CACNA1E: variants seen among roughly 807,000 people sequenced by gnomAD.
CACNA1E encodes voltage-dependent R-type calcium channel subunit alpha-1E.
In CACNA1E, 40 loss-of-function variants were observed where a neutral mutation model predicts 259.2. The ratio of observed to expected loss-of-function variants is 0.15; its 90% CI spans 0.12 to 0.20. CACNA1E has a LOEUF of 0.20. CACNA1E is among the 10% of genes least tolerant of loss of function. CACNA1E has a pLI of 1.00. For missense variants in CACNA1E, 1,874 were observed against 3,040.1 expected (o/e 0.62, Z 9.02); for synonymous variants, 1,104 against 1,138.5 (o/e 0.97, Z 0.61).
At chr1:181,323,015 A>G (rs926816692) in intron 1 of CACNA1E, among the ~76,000 whole-genome samples, 5 of 152,202 alleles carry the variant, frequency 3.3e-5, no homozygotes, top group African/African-American at 9.7e-5. Flanking sequence ...TGGGTAAAAA[A>G]ATCTAGGGCT....
chr1:181,513,723 T>C (rs1409902322), intron 3 of CACNA1E, among the ~76,000 whole-genome samples: 2 of 152,138 alleles, frequency 1.3e-5, no homozygotes, highest in East Asian at 1.9e-4. Flanking sequence ...AGCAGATTCA[T>C]AGGGACCCAT....
chr1:181,534,324 A>G (rs6674530), intron 3 of CACNA1E, among the ~76,000 whole-genome samples: 38,780 of 152,048 alleles, frequency 0.26, 5,406 homozygotes, highest in Non-Finnish European at 0.31. Flanking sequence ...GGTGCTATTG[A>G]AAACTGAGTT....
chr1:181,779,914 A>G (rs1268200716), intron 38 of CACNA1E, among the ~76,000 whole-genome samples: 1 of 151,930 alleles, frequency 6.6e-6, no homozygotes, highest in East Asian at 1.9e-4. Context: ...ATGCAGAAAT[A>G]TTTTTAACCC....
chr1:181,603,334 A>G (rs564010049), intron 6 of CACNA1E, among the ~76,000 whole-genome samples: 14 of 152,284 alleles, frequency 9.2e-5, no homozygotes, highest in South Asian at 2.1e-4. Flanking sequence ...GCCTGTCTGC[A>G]GGGTCTTTGC....
intron 7 of CACNA1E, among the ~76,000 whole-genome samples, chr1:181,700,115 G>A (rs1186572112): frequency 6.6e-6 from 1 of 152,108 alleles, no homozygotes. Flanking sequence ...GGGCCCTGGG[G>A]CACTCCAATG....
Position 181,802,109 on chromosome 1 carries a change from C to G in CACNA1E, c.*3275C>G, listed in dbSNP as rs1662319748. On this transcript the variant is annotated 3_prime_UTR_variant, in exon 48 of 48. Coordinates refer to ENST00000367573, the MANE Select transcript of CACNA1E (RefSeq NM_001205293.3). ...AGGGGCAGGGCTCCAGCCAAGGTGC[C>G]CCTGAGCCAGGGTCAACATAGAATT... 1 of 152,234 alleles carries G rather than the reference C, an allele frequency of 6.6e-6. No individual in the cohort carries two copies. Among genetic ancestry groups the G allele is most frequent in the Non-Finnish European group, 1.5e-5 (1 of 68,058 alleles). 9.4% of individuals were successfully genotyped at this position (152,234 alleles called of 1,614,324 possible).
chr1:181,728,194 T>A (rs1278355708), intron 18 of CACNA1E, among the ~76,000 whole-genome samples: 1 of 152,152 alleles, frequency 6.6e-6, no homozygotes, highest in South Asian at 2.1e-4. Context: ...TGGGTAGGAC[T>A]GGCTGTCACT....
Position 181,684,452 on chromosome 1 carries a change from C to A in CACNA1E, c.1056-26502C>A, listed in dbSNP as rs560060808. ...TGTCTGTTTATTCTTTTGTTAGTTT[C>A]TTTTGCTGTGCAGAAGCTCTTTCAT... On this transcript the variant is annotated intron_variant, in intron 7 of 47. Coordinates refer to ENST00000367573, the MANE Select transcript of CACNA1E (RefSeq NM_001205293.3). 2.6e-5 allele frequency among the ~76,000 whole-genome samples: 4 copies of A among 152,224 alleles called. No individual in the cohort carries two copies. The South Asian group carries it at 8.3e-4, about 32-fold the overall frequency.
At chr1:181,527,222 C>A (rs555007168) in intron 3 of CACNA1E, among the ~76,000 whole-genome samples, 4 of 152,350 alleles carry the variant, frequency 2.6e-5, no homozygotes, top group Middle Eastern at 3.4e-3. Flanking sequence ...CAGTGCCTGG[C>A]AAAGGCCCCT....
intron 7 of CACNA1E, among the ~76,000 whole-genome samples, chr1:181,702,277 C>G (rs1270221107): frequency 6.6e-6 from 1 of 152,040 alleles, no homozygotes; most frequent in South Asian, 2.1e-4. Context: ...CGTCCACCAG[C>G]CAGCAAGTCC....
At chr1:181,404,156 G>A (rs990151820) in intron 1 of CACNA1E, among the ~76,000 whole-genome samples, 1 of 152,226 alleles carries the variant, frequency 6.6e-6, no homozygotes, top group Non-Finnish European at 1.5e-5. Flanking sequence ...TATGGAGCTG[G>A]AGCCCATCCC....
rs575639207 is a variant in CACNA1E, at chr1:181,451,183, G to A, written c.435-32561G>A. On this transcript the variant is annotated intron_variant, in intron 2 of 11. Coordinates refer to the CACNA1E transcript ENST00000524607. ...CTCATATATTTTCTTCCACTGCCTC[G>A]CTCACCCTAACTAACCCAGTACCTA... is the stretch of plus-strand genomic sequence containing the variant. Among the ~76,000 whole-genome samples, 36 of 152,268 alleles carry A rather than the reference G, an allele frequency of 2.4e-4. No homozygotes were observed. In the South Asian group the frequency reaches 2.7e-3, roughly 11 times the overall value.
At chr1:181,543,782 G>T (rs112236886) in intron 3 of CACNA1E, among the ~76,000 whole-genome samples, 1 of 152,088 alleles carries the variant, frequency 6.6e-6, no homozygotes, top group Admixed American at 6.5e-5. Flanking sequence ...TAAAAACCAC[G>T]ATAAGATACC....
chr1:181,518,866 C>G (rs1339660456), intron 3 of CACNA1E, among the ~76,000 whole-genome samples: 1 of 152,124 alleles, frequency 6.6e-6, no homozygotes, highest in East Asian at 1.9e-4. Flanking sequence ...CTGAGTGGGG[C>G]CTGAATTGGC....
upstream of CACNA1E, among the ~76,000 whole-genome samples, chr1:181,482,914 G>A (rs917640288): frequency 6.6e-6 from 1 of 152,288 alleles, no homozygotes; most frequent in Non-Finnish European, 1.5e-5. Context: ...GCTCCGGGCG[G>A]ATGCTGGCAC....
chr1:181,544,261 A>G (rs149980781), intron 3 of CACNA1E, among the ~76,000 whole-genome samples: 4 of 152,324 alleles, frequency 2.6e-5, no homozygotes, highest in Middle Eastern at 3.4e-3. Context: ...CAAATCCATA[A>G]AGGGCGTACG....
Position 181,783,671 on chromosome 1 carries a change from TCA to T in CACNA1E, c.5365-3_5365-2del. The T allele has an allele frequency of 1.9e-6, 3 of 1,550,550 alleles. No individual in the cohort carries two copies. The highest frequency in any genetic ancestry group is 2.7e-6 in the Non-Finnish European group (3 of 1,129,964). On this transcript the variant is annotated splice_region_variant and splice_polypyrimidine_tract_variant and intron_variant, in intron 39 of 47. Coordinates refer to ENST00000367573, the MANE Select transcript of CACNA1E (RefSeq NM_001205293.3). ...TTGCCTGCTGTTTCTTTTTTCTCTT[TCA>T]CACAGAGGTTGGTCCTGATGAACAT...
At chr1:181,418,583 A>G (rs920378253) in intron 2 of CACNA1E, among the ~76,000 whole-genome samples, 4 of 152,174 alleles carry the variant, frequency 2.6e-5, no homozygotes, top group African/African-American at 9.7e-5. Flanking sequence ...TTGTACATCC[A>G]TCGACATCTC....
At chr1:181,429,461 CA>C (rs1157414324) in intron 2 of CACNA1E, among the ~76,000 whole-genome samples, 2 of 152,202 alleles carry the variant, frequency 1.3e-5, no homozygotes, top group Non-Finnish European at 2.9e-5. Context: ...TCATCTCCAC[CA>C]GCATCTATGC....
Sources: allele counts gnomAD v4.1 joint callset (sites outside exome capture counted in the v4.1 genomes callset), GRCh38; gene constraint gnomAD v4.1.1; transcripts MANE v1.5; gene names NCBI Gene and HGNC (gene_info 2026-07-23, HGNC 2026-07-21).